The following FSTL5 variants were observed in gnomAD, a reference collection of about 807,000 sequenced individuals.
FSTL5 encodes follistatin like 5, also known as follistatin-related protein 5.
A neutral mutation model predicts 89.1 loss-of-function variants in FSTL5; 62 were observed. The ratio of observed to expected loss-of-function variants is 0.70; its 90% confidence interval spans 0.57 to 0.86. FSTL5 has a LOEUF of 0.86. Among genes scored for constraint, FSTL5 ranks in the 40% least tolerant of loss-of-function variants. The probability of loss-of-function intolerance (pLI) is 0.00; values close to 1 mark genes in which losing one functional copy is unlikely to be tolerated. For missense variants in FSTL5, 1,057 were observed against 1,001.6 expected (o/e 1.06, Z -0.75); for synonymous variants, 383 against 346.2 (o/e 1.11, Z -1.18).
chr4:161,409,460 C>G (rs189253050), intron 15 of FSTL5, among the ~76,000 whole-genome samples: 1 of 152,160 alleles, frequency 6.6e-6, no homozygotes, highest in African/African-American at 2.4e-5. Context: ...TGGCCCACTA[C>G]AACCTCTGCC....
intron 4 of FSTL5, among the ~76,000 whole-genome samples, chr4:161,790,398 C>T (rs1188868637): frequency 1.3e-5 from 2 of 152,158 alleles, no homozygotes; most frequent in African/African-American, 4.8e-5. Flanking sequence ...CAAACCTACC[C>T]TAGGGTTTCT....
At chr4:161,929,681 G>GTGTGTGTGTGTATA (rs1026007316) in intron 3 of FSTL5, among the ~76,000 whole-genome samples, 2 of 115,448 alleles carry the variant, frequency 1.7e-5, no homozygotes, top group African/African-American at 6.5e-5. Context: ...GTGTGTGTGT[G>GTGTGTGTGTGTATA]TGTGTGTGTG....
chr4:162,075,352 G>A (rs1428146104), intron 2 of FSTL5, among the ~76,000 whole-genome samples: 1 of 151,824 alleles, frequency 6.6e-6, no homozygotes, highest in Admixed American at 6.6e-5. Context: ...TGAGACAGAG[G>A]CCATCTTCCT....
At chr4:161,671,386 T>C (rs1560781430) in intron 6 of FSTL5, among the ~76,000 whole-genome samples, 1 of 152,160 alleles carries the variant, frequency 6.6e-6, no homozygotes, top group Non-Finnish European at 1.5e-5. Flanking sequence ...TGTTATTGCC[T>C]CTGTTGCTGT....
At chr4:162,018,811 T>G (rs1234161061) in intron 3 of FSTL5, among the ~76,000 whole-genome samples, 2 of 152,176 alleles carry the variant, frequency 1.3e-5, no homozygotes, top group Admixed American at 6.5e-5. Flanking sequence ...CATATTTTTC[T>G]GTCTTGCATA....
intron 6 of FSTL5, among the ~76,000 whole-genome samples, chr4:161,685,963 A>G (rs1295549954): frequency 6.6e-6 from 1 of 152,050 alleles, no homozygotes; most frequent in Admixed American, 6.6e-5. Context: ...TTTTAATCAT[A>G]AAGAAACGCT....
intron 6 of FSTL5, among the ~76,000 whole-genome samples, chr4:161,740,507 T>C (rs188263422): frequency 1.4e-4 from 21 of 152,190 alleles, no homozygotes; most frequent in Non-Finnish European, 8.8e-5. Context: ...AAAACATGAT[T>C]CTTCAAGAAC....
intron 10 of FSTL5, among the ~76,000 whole-genome samples, chr4:161,514,742 T>C (rs1730758730): frequency 1.3e-5 from 2 of 152,238 alleles, no homozygotes; most frequent in South Asian, 4.1e-4. Flanking sequence ...ATAAATAGTA[T>C]AAATAGAAGA....
chr4:161,762,676 G>A (rs1740848761), intron 5 of FSTL5, among the ~76,000 whole-genome samples: 1 of 152,132 alleles, frequency 6.6e-6, no homozygotes, highest in African/African-American at 2.4e-5. Flanking sequence ...GATCTTGATT[G>A]GTCAAAAAGA....
intron 8 of FSTL5, among the ~76,000 whole-genome samples, chr4:161,576,112 G>C (rs746393011): frequency 2.0e-5 from 3 of 151,988 alleles, no homozygotes; most frequent in Non-Finnish European, 4.4e-5. Flanking sequence ...CAACATACAA[G>C]GGACGTGAAG....
chr4:161,742,088 T>A (rs1350652004), intron 6 of FSTL5, among the ~76,000 whole-genome samples: 1 of 152,054 alleles, frequency 6.6e-6, no homozygotes, highest in Non-Finnish European at 1.5e-5. Context: ...TACTTTGGTA[T>A]AGCAAGCCTG....
At chr4:162,053,387 T>G (rs1050763616) in intron 2 of FSTL5, among the ~76,000 whole-genome samples, 1 of 151,792 alleles carries the variant, frequency 6.6e-6, no homozygotes, top group Admixed American at 6.6e-5. Context: ...CTTAAGGTCC[T>G]TTGCAGCAGA....
intron 3 of FSTL5, among the ~76,000 whole-genome samples, chr4:162,026,747 C>G (rs1334125172): frequency 6.6e-6 from 1 of 152,112 alleles, no homozygotes; most frequent in Non-Finnish European, 1.5e-5. Context: ...TAAAAGCCTA[C>G]TTAAGCATCT....
chr4:161,939,802 T>C (rs1734528954), intron 3 of FSTL5, among the ~76,000 whole-genome samples: 1 of 151,882 alleles, frequency 6.6e-6, no homozygotes, highest in African/African-American at 2.4e-5. Flanking sequence ...ATCAGTGATA[T>C]TAGTATAGGA....
intron 3 of FSTL5, among the ~76,000 whole-genome samples, chr4:161,949,582 C>T (rs991276624): frequency 6.6e-6 from 1 of 151,878 alleles, no homozygotes; most frequent in Non-Finnish European, 1.5e-5. Flanking sequence ...TTCTTTCCTC[C>T]TTTTTGAACT....
intron 7 of FSTL5, among the ~76,000 whole-genome samples, chr4:161,635,483 T>C (rs1207203182): frequency 1.2e-5 from 1 of 82,048 alleles, no homozygotes; most frequent in African/African-American, 7.1e-5. Flanking sequence ...TTGTTTCTTG[T>C]TACAAATTAA....
At chr4:161,766,026 G>A (rs751055535) in intron 5 of FSTL5, among the ~76,000 whole-genome samples, 5 of 151,892 alleles carry the variant, frequency 3.3e-5, no homozygotes, top group Non-Finnish European at 5.9e-5. Flanking sequence ...AACTCCTTAC[G>A]TCATGATCCA....
chr4:161,567,693 G>T (rs1331645799), intron 8 of FSTL5, among the ~76,000 whole-genome samples: 4 of 152,040 alleles, frequency 2.6e-5, no homozygotes, highest in African/African-American at 4.8e-5. Flanking sequence ...CTATGTAAAA[G>T]AATTCTAGCT....
chr4:161,535,689 G>A (rs1162961311), intron 10 of FSTL5, among the ~76,000 whole-genome samples: 1 of 152,018 alleles, frequency 6.6e-6, no homozygotes, highest in Non-Finnish European at 1.5e-5. Flanking sequence ...ATTTCTCAAA[G>A]AACTTAAAAC....
Sources: gnomAD v4.1 joint callset for allele counts (sites outside exome capture counted in the v4.1 genomes callset) on GRCh38, gnomAD v4.1.1 for gene constraint, MANE v1.5 for transcripts, NCBI Gene and HGNC (gene_info 2026-07-23, HGNC 2026-07-21) for gene names.